Variants in ALPK2 observed in about 807,000 individuals in gnomAD.
ALPK2 encodes the protein alpha kinase 2, also known as alpha-protein kinase 2.
A neutral mutation model predicts 163.1 loss-of-function variants in ALPK2; 127 were observed. That is an observed-to-expected ratio of 0.78 (90% CI 0.67 to 0.90). ALPK2 has a LOEUF of 0.90. Ranked by LOEUF, ALPK2 falls within the 40% of genes least tolerant of loss-of-function variation. ALPK2 has a pLI of 0.00. For synonymous variants in ALPK2, 953 were observed against 959.1 expected (o/e 0.99, Z 0.12); for missense variants, 2,360 against 2,589.6 (o/e 0.91, Z 1.92).
chr18:58,569,246 G>C (rs955039867), intron 4 of ALPK2, among the ~76,000 whole-genome samples: 1 of 152,140 alleles, frequency 6.6e-6, no homozygotes, highest in African/African-American at 2.4e-5. Flanking sequence ...CTCAGCCAAG[G>C]CTCTCAACCT....
At position 58,523,408 on chromosome 18, in the gene ALPK2, A is replaced by G. The variant is rs113239328; in HGVS notation, c.5665+398T>C. 3.0e-4 allele frequency among the ~76,000 whole-genome samples: 46 copies of G among 152,262 alleles called. 1 individual carries two copies. Among genetic ancestry groups the G allele is most frequent in the African/African-American group, 1.1e-3 (44 of 41,558 alleles). ...ATGTGTCTTTATAACAGCATGATCT[A>G]TAGTCCTTTGGGTATATACCCAGTA... On this transcript the variant is annotated intron_variant, in intron 8 of 12. Coordinates refer to ENST00000361673, the MANE Select transcript of ALPK2 (RefSeq NM_052947.4).
At chr18:58,493,968 G>T (rs763925567) in intron 12 of ALPK2, among the ~76,000 whole-genome samples, 3 of 152,188 alleles carry the variant, frequency 2.0e-5, no homozygotes, top group Non-Finnish European at 2.9e-5. Flanking sequence ...GCAAAGTATT[G>T]GTTCTGGTGC....
intron 4 of ALPK2, among the ~76,000 whole-genome samples, chr18:58,571,946 A>T (rs1022683810): frequency 1.0e-4 from 14 of 134,162 alleles, no homozygotes; most frequent in African/African-American, 4.0e-4. Flanking sequence ...ACTGTACTCC[A>T]GCCTAGGTGA....
chr18:58,551,564 G>A (rs2051760382), intron 4 of ALPK2, among the ~76,000 whole-genome samples: 1 of 152,184 alleles, frequency 6.6e-6, no homozygotes, highest in African/African-American at 2.4e-5. Context: ...ACCCACTAAA[G>A]CAATCCATTC....
intron 5 of ALPK2, among the ~76,000 whole-genome samples, chr18:58,531,012 G>A (rs2051611030): frequency 6.6e-6 from 1 of 151,990 alleles, no homozygotes; most frequent in Non-Finnish European, 1.5e-5. Flanking sequence ...ACCAGCCTGG[G>A]CAACATAGCA....
At chr18:58,610,325 T>G (rs1256756781) in intron 2 of ALPK2, among the ~76,000 whole-genome samples, 1 of 149,784 alleles carries the variant, frequency 6.7e-6, no homozygotes, top group African/African-American at 2.4e-5. Flanking sequence ...GTTTTCTGTC[T>G]GCCCTCAAGA....
At chr18:58,583,488 G>C (rs1168214586) in intron 3 of ALPK2, among the ~76,000 whole-genome samples, 1 of 152,018 alleles carries the variant, frequency 6.6e-6, no homozygotes, top group African/African-American at 2.4e-5. Flanking sequence ...AATTCTTGGA[G>C]ATTTGGCCTC....
In ALPK2 at chr18:58,498,031, C is replaced by T. The variant is rs1274349408; in HGVS notation, c.6296+18G>A. On this transcript the variant is annotated intron_variant, in intron 12 of 12. Coordinates refer to ENST00000361673, the MANE Select transcript of ALPK2 (RefSeq NM_052947.4). Reference sequence around the variant, plus strand: ...AGCCCAGTGTTAATTGATGCACACTCCATTTTTTCCTACTCACCCTTTAGC... The same window carrying T: ...AGCCCAGTGTTAATTGATGCACACTTCATTTTTTCCTACTCACCCTTTAGC... The T allele has an allele frequency of 1.9e-6, 3 of 1,613,506 alleles. No homozygotes were observed. Among genetic ancestry groups the T allele is most frequent in the East Asian group, 4.5e-5 (2 of 44,880 alleles).
chr18:58,624,989 G>A (rs2052222043), intron 1 of ALPK2, among the ~76,000 whole-genome samples: 1 of 152,150 alleles, frequency 6.6e-6, no homozygotes, highest in South Asian at 2.1e-4. Flanking sequence ...GAAAAGCGTA[G>A]CCCAACCACA....
intron 4 of ALPK2, among the ~76,000 whole-genome samples, chr18:58,568,427 C>A (rs2051867801): frequency 6.6e-6 from 1 of 152,094 alleles, no homozygotes; most frequent in Non-Finnish European, 1.5e-5. Flanking sequence ...GAACTTGGAA[C>A]CCCCCAGGAT....
chr18:58,612,388 A>T (rs967639403), intron 1 of ALPK2, among the ~76,000 whole-genome samples: 3 of 152,210 alleles, frequency 2.0e-5, no homozygotes, highest in Non-Finnish European at 4.4e-5. Flanking sequence ...TTAGGATATG[A>T]CTGCTCCTTC....
At chr18:58,488,703 C>T (rs1602182066) in intron 12 of ALPK2, among the ~76,000 whole-genome samples, 3 of 151,816 alleles carry the variant, frequency 2.0e-5, no homozygotes, top group Admixed American at 6.6e-5. Context: ...GAAGTTTTAA[C>T]GCATAGGGAA....
chr18:58,563,495 T>C (rs2051835447), intron 4 of ALPK2, among the ~76,000 whole-genome samples: 2 of 152,050 alleles, frequency 1.3e-5, no homozygotes, highest in Non-Finnish European at 2.9e-5. Flanking sequence ...CTAGAATTGG[T>C]GTGAGGTATA....
chr18:58,590,453 C>T (rs76689648), intron 3 of ALPK2, among the ~76,000 whole-genome samples: 3,223 of 152,218 alleles, frequency 0.021, 54 homozygotes, highest in Middle Eastern at 0.041. Flanking sequence ...TGAGCCTTCC[C>T]TCCCATTGCA....
chr18:58,611,897 G>A (rs2144232747), intron 1 of ALPK2, 80 bp from the exon 2 acceptor site: 2 of 913,334 alleles, frequency 2.2e-6, no homozygotes, highest in Non-Finnish European at 3.2e-6. Flanking sequence ...GAAACCACAG[G>A]GTGCCGCCCT....
At chr18:58,552,414 C>A (rs1051785655) in intron 4 of ALPK2, among the ~76,000 whole-genome samples, 5 of 152,130 alleles carry the variant, frequency 3.3e-5, no homozygotes, top group African/African-American at 9.7e-5. Context: ...CAGAATAACA[C>A]CCCAGCTGGG....
intron 6 of ALPK2, among the ~76,000 whole-genome samples, chr18:58,526,898 C>T (rs1404460723): frequency 2.0e-5 from 3 of 152,136 alleles, no homozygotes. Flanking sequence ...TTGCTATTTC[C>T]CATTTACACA....
At chr18:58,598,681 A>G (rs539017079) in intron 3 of ALPK2, among the ~76,000 whole-genome samples, 1 of 152,322 alleles carries the variant, frequency 6.6e-6, no homozygotes, top group East Asian at 1.9e-4. Context: ...AGCTCTGTCC[A>G]TAACTAGCCA....
At chr18:58,574,386 T>C (rs1485125482) in intron 4 of ALPK2, among the ~76,000 whole-genome samples, 2 of 144,032 alleles carry the variant, frequency 1.4e-5, no homozygotes, top group African/African-American at 5.2e-5. Flanking sequence ...GAGGCGGAGG[T>C]TGCAGTGAGC....
Sources: gnomAD v4.1 joint callset for allele counts (sites outside exome capture counted in the v4.1 genomes callset) on GRCh38, gnomAD v4.1.1 for gene constraint, MANE v1.5 for transcripts, NCBI Gene and HGNC (gene_info 2026-07-23, HGNC 2026-07-21) for gene names.